SHISA9: variants seen among roughly 807,000 people sequenced by gnomAD.
SHISA9 encodes protein shisa-9.
Under a neutral mutation model 38.0 loss-of-function variants are expected in SHISA9, and 13 were observed. The observed-to-expected ratio is 0.34, with a 90% CI of 0.22 to 0.54. SHISA9 has a LOEUF of 0.54. Among genes scored for constraint, SHISA9 ranks in the 20% least tolerant of loss-of-function variants. The probability of loss-of-function intolerance (pLI) is 0.91; values close to 1 mark genes in which losing one functional copy is unlikely to be tolerated. For synonymous variants in SHISA9, 275 were observed against 242.0 expected (o/e 1.14, Z -1.27); for missense variants, 538 against 575.8 (o/e 0.93, Z 0.67).
the SHISA9 span, among the ~76,000 whole-genome samples, chr16:13,544,983 T>C: frequency 1.3e-4 from 20 of 152,274 alleles, no homozygotes; most frequent in Non-Finnish European, 2.2e-4. Context: ...CAGTTTAGCA[T>C]TGATCTGGTG....
chr16:13,085,705 G>A (rs1040503671), intron 2 of SHISA9, among the ~76,000 whole-genome samples: 1 of 152,116 alleles, frequency 6.6e-6, no homozygotes, highest in Non-Finnish European at 1.5e-5. Context: ...ATCTAATCTA[G>A]GGCTAAAAAA....
the SHISA9 span, among the ~76,000 whole-genome samples, chr16:13,369,939 A>C: frequency 2.0e-5 from 3 of 152,104 alleles, no homozygotes; most frequent in Non-Finnish European, 4.4e-5. Flanking sequence ...CATCTAATTT[A>C]AAGTTCCTTT....
chr16:13,254,375 C>G, the SHISA9 span, among the ~76,000 whole-genome samples: 4 of 152,204 alleles, frequency 2.6e-5, no homozygotes, highest in Non-Finnish European at 4.4e-5. Flanking sequence ...AACAGGACCA[C>G]TTGTCACTGC....
chr16:13,347,129 A>C, the SHISA9 span, among the ~76,000 whole-genome samples: 1 of 152,234 alleles, frequency 6.6e-6, no homozygotes, highest in African/African-American at 2.4e-5. Flanking sequence ...GAGAAAATAC[A>C]ATGTCAAGGA....
intron 4 of SHISA9, among the ~76,000 whole-genome samples, chr16:13,226,781 T>C (rs532743527): frequency 9.2e-5 from 14 of 152,304 alleles, no homozygotes; most frequent in Admixed American, 6.5e-4. Flanking sequence ...AGTTGGTTAG[T>C]TGTGTTGAAC....
intron 2 of SHISA9, among the ~76,000 whole-genome samples, chr16:12,926,812 T>G (rs1429970157): frequency 2.0e-5 from 3 of 152,196 alleles, no homozygotes; most frequent in African/African-American, 7.2e-5. Context: ...GCAGAACATT[T>G]TCATGGACTG....
At chr16:13,351,378 G>C in the SHISA9 span, among the ~76,000 whole-genome samples, 1 of 152,190 alleles carries the variant, frequency 6.6e-6, no homozygotes, top group African/African-American at 2.4e-5. Context: ...TCACTGACTG[G>C]TGGGTGGCAG....
At chr16:13,108,216 C>T (rs1475660107) in intron 2 of SHISA9, among the ~76,000 whole-genome samples, 1 of 151,698 alleles carries the variant, frequency 6.6e-6, no homozygotes, top group Non-Finnish European at 1.5e-5. Context: ...GAAGTCTTGA[C>T]CTCCAGGACT....
intron 2 of SHISA9, among the ~76,000 whole-genome samples, chr16:13,024,803 T>G (rs762936253): frequency 1.3e-5 from 2 of 152,148 alleles, no homozygotes; most frequent in African/African-American, 2.4e-5. Context: ...TCAAAGTTCC[T>G]GTGTTGGCTG....
At chr16:13,370,246 C>T in the SHISA9 span, among the ~76,000 whole-genome samples, 1 of 152,134 alleles carries the variant, frequency 6.6e-6, no homozygotes, top group Non-Finnish European at 1.5e-5. Flanking sequence ...GGTTGCCTTA[C>T]ATGCTGTGCT....
chr16:13,450,093 A>T, the SHISA9 span, among the ~76,000 whole-genome samples: 1 of 152,144 alleles, frequency 6.6e-6, no homozygotes, highest in African/African-American at 2.4e-5. Flanking sequence ...CTCCAACCTG[A>T]GTGATAGAGG....
chr16:13,462,189 C>T, the SHISA9 span, among the ~76,000 whole-genome samples: 64 of 151,638 alleles, frequency 4.2e-4, no homozygotes, highest in East Asian at 9.0e-3. Context: ...GAGGATTATT[C>T]GAGCCCAGGA....
chr16:13,011,454 T>C (rs1442106518), intron 2 of SHISA9, among the ~76,000 whole-genome samples: 1 of 152,118 alleles, frequency 6.6e-6, no homozygotes, highest in Non-Finnish European at 1.5e-5. Context: ...TCTGCTATTT[T>C]GTGTCCTTTA....
the SHISA9 span, among the ~76,000 whole-genome samples, chr16:13,394,085 A>C: frequency 1.3e-5 from 2 of 152,212 alleles, no homozygotes; most frequent in African/African-American, 4.8e-5. Context: ...TCAATGTGCC[A>C]GTTCCCAGCT....
the SHISA9 span, among the ~76,000 whole-genome samples, chr16:13,368,627 T>C: frequency 6.6e-6 from 1 of 151,902 alleles, no homozygotes. Context: ...GGGTGTGCTG[T>C]ATTGATCAGA....
chr16:12,966,824 C>T (rs1277981098), intron 2 of SHISA9, among the ~76,000 whole-genome samples: 1 of 152,200 alleles, frequency 6.6e-6, no homozygotes, highest in Non-Finnish European at 1.5e-5. Flanking sequence ...AGCCTTTGAA[C>T]ATGGGAAAGA....
chr16:13,270,085 T>A, the SHISA9 span, among the ~76,000 whole-genome samples: 1 of 152,208 alleles, frequency 6.6e-6, no homozygotes, highest in Non-Finnish European at 1.5e-5. Flanking sequence ...TGGGCTCTGA[T>A]AAGGGCTTAC....
At chr16:13,517,004 T>C in the SHISA9 span, among the ~76,000 whole-genome samples, 1 of 152,194 alleles carries the variant, frequency 6.6e-6, no homozygotes, top group Non-Finnish European at 1.5e-5. Flanking sequence ...GGTGATTTGA[T>C]GTTATCCCCC....
intron 2 of SHISA9, among the ~76,000 whole-genome samples, chr16:13,150,889 C>T (rs1432062595): frequency 1.3e-5 from 2 of 152,112 alleles, no homozygotes; most frequent in Non-Finnish European, 2.9e-5. Context: ...TTATTGAATC[C>T]CCAAATAATC....
Sources: gnomAD v4.1 joint callset for allele counts (sites outside exome capture counted in the v4.1 genomes callset) on GRCh38, gnomAD v4.1.1 for gene constraint, MANE v1.5 for transcripts, NCBI Gene and HGNC (gene_info 2026-07-23, HGNC 2026-07-21) for gene names.